The following KCNH8 variants were observed in gnomAD, a reference collection of about 807,000 sequenced individuals.
The protein encoded by KCNH8 is potassium voltage-gated channel subfamily H member 8, also known as voltage-gated delayed rectifier potassium channel KCNH8.
In KCNH8, 70 loss-of-function variants were observed where a neutral mutation model predicts 103.6. That is an observed-to-expected ratio of 0.68 (90% CI 0.56 to 0.82). The LOEUF (loss-of-function observed/expected upper bound fraction) is 0.82, where lower values mean the gene tolerates loss of function less well. Among genes scored for constraint, KCNH8 ranks in the 40% least tolerant of loss-of-function variants. The probability of loss-of-function intolerance (pLI) is 0.00; values close to 1 mark genes in which losing one functional copy is unlikely to be tolerated. For missense variants in KCNH8, 1,217 were observed against 1,329.9 expected, an observed-to-expected ratio of 0.92 and a Z score of 1.32; for synonymous variants, 498 against 489.4, an observed-to-expected ratio of 1.02 and a Z score of -0.23.
rs547471407 is a variant in KCNH8, at chr3:19,313,300, T to TA, written c.443-29278dup. On this transcript the variant is annotated intron_variant, in intron 3 of 15. Transcript: ENST00000328405. ...TCAGCTTGCTAGCTCTGCAGTATAGTAAAAAAAAATCCCAGGAGTTACAGT... is the reference window on the plus strand; with the variant it reads ...TCAGCTTGCTAGCTCTGCAGTATAGTAAAAAAAAAATCCCAGGAGTTACAGT... 7.0e-3 allele frequency among the ~76,000 whole-genome samples: 1,052 copies of TA among 151,266 alleles called. 5 individuals carry two copies. The highest frequency in any genetic ancestry group is 0.022 in the African/African-American group (909 of 41,260).
At chr3:19,338,559 C>G (rs1425249059) in intron 3 of KCNH8, among the ~76,000 whole-genome samples, 1 of 151,912 alleles carries the variant, frequency 6.6e-6, no homozygotes, top group African/African-American at 2.4e-5. Flanking sequence ...TACCCCCAAT[C>G]CAGTTTAAGA....
At chr3:19,401,557 C>T (rs1356085403) in intron 7 of KCNH8, among the ~76,000 whole-genome samples, 1 of 151,906 alleles carries the variant, frequency 6.6e-6, no homozygotes, top group Admixed American at 6.6e-5. Context: ...TGTCAATGCT[C>T]TATTCTATTT....
At chr3:19,194,643 G>T (rs1447752757) in intron 1 of KCNH8, among the ~76,000 whole-genome samples, 3 of 151,760 alleles carry the variant, frequency 2.0e-5, no homozygotes, top group African/African-American at 4.8e-5. Context: ...GAAAGATAAG[G>T]AGGGGGTAGG....
At chr3:19,343,347 G>A (rs1042989772) in intron 4 of KCNH8, among the ~76,000 whole-genome samples, 1 of 152,034 alleles carries the variant, frequency 6.6e-6, no homozygotes, top group Non-Finnish European at 1.5e-5. Flanking sequence ...AACTATGCCT[G>A]TATAAGGAGT....
intron 3 of KCNH8, among the ~76,000 whole-genome samples, chr3:19,325,114 C>A (rs1674173049): frequency 6.6e-6 from 1 of 152,122 alleles, no homozygotes; most frequent in African/African-American, 2.4e-5. Flanking sequence ...ACTCCCTATT[C>A]AATAAATGGT....
rs2066420948 is a variant in KCNH8, at chr3:19,390,491, A to G, written c.822A>G (p.Leu274=). ...TTTTTTCCCAAGCAGATATTATTTT[A>G]AATTTCCGAACAACTTATGTCAGCA... The part of the protein sequence containing the change: ...VEILFIIDII[L]NFRTTYVSKS... Residue 274 remains leucine, a synonymous_variant, in exon 6 of 16, where the codon TTA becomes TTG. Coordinates refer to ENST00000328405, the MANE Select transcript of KCNH8 (RefSeq NM_144633.3). 2 of 1,609,788 alleles carry G rather than the reference A, an allele frequency of 1.2e-6. No homozygotes were observed. Among genetic ancestry groups the G allele is most frequent in the Non-Finnish European group, 1.7e-6 (2 of 1,177,752 alleles).
intron 7 of KCNH8, among the ~76,000 whole-genome samples, chr3:19,424,856 AT>A (rs1193462243): frequency 6.6e-6 from 1 of 152,140 alleles, no homozygotes; most frequent in Non-Finnish European, 1.5e-5. Context: ...TCTTAAAATT[AT>A]TTCTAAAATT....
At chr3:19,520,418 C>T (rs2068951801) in intron 15 of KCNH8, among the ~76,000 whole-genome samples, 1 of 151,906 alleles carries the variant, frequency 6.6e-6, no homozygotes, top group Non-Finnish European at 1.5e-5. Context: ...AATTTATACA[C>T]AGTTTTGACC....
chr3:19,486,558 C>T (rs2068214199), intron 11 of KCNH8, among the ~76,000 whole-genome samples: 1 of 152,184 alleles, frequency 6.6e-6, no homozygotes, highest in African/African-American at 2.4e-5. Flanking sequence ...CAGGGCCCCA[C>T]AGTCGGTTAA....
chr3:19,191,541 G>T (rs2063553228), intron 1 of KCNH8, among the ~76,000 whole-genome samples: 1 of 151,662 alleles, frequency 6.6e-6, no homozygotes, highest in Non-Finnish European at 1.5e-5. Flanking sequence ...TCTTTCTAAG[G>T]CTTAGGGAAA....
In KCNH8 at chr3:19,308,721, CCTCTCT is replaced by C. The variant is rs199821198; in HGVS notation, c.442+27394_442+27399del. ...CTCTCTCTCTCTCTCTCTCTCTCCC[CCTCTCT>C]CCCTCTCTCCCTCTCTCCCTCTCTC... On this transcript the variant is annotated intron_variant, in intron 3 of 15. Coordinates refer to ENST00000328405, the MANE Select transcript of KCNH8 (RefSeq NM_144633.3). Among the ~76,000 whole-genome samples, 5 of 9,086 alleles carry C rather than the reference CCTCTCT, an allele frequency of 5.5e-4. 1 individual carries two copies. The highest frequency in any genetic ancestry group is 4.3e-3 in the African/African-American group (5 of 1,170). 6.0% of individuals were successfully genotyped at this position (9,086 alleles called of 152,430 possible). A position where few individuals can be genotyped will look rare whatever the true frequency, so the allele number is the denominator to read the frequency against.
At chr3:19,279,579 A>AAT (rs1392626756) in intron 2 of KCNH8, among the ~76,000 whole-genome samples, 5 of 152,186 alleles carry the variant, frequency 3.3e-5, no homozygotes, top group African/African-American at 9.6e-5. Flanking sequence ...AAAAAAAAAA[A>AAT]AAAAATAAGG....
At chr3:19,528,935 G>C (rs903452646) in intron 15 of KCNH8, among the ~76,000 whole-genome samples, 1 of 152,082 alleles carries the variant, frequency 6.6e-6, no homozygotes, top group African/African-American at 2.4e-5. Flanking sequence ...TGCTATGTGA[G>C]TGTCAATAAG....
chr3:19,175,220 ATTTTTTTT>A (rs200814505), intron 1 of KCNH8, among the ~76,000 whole-genome samples: 1 of 137,686 alleles, frequency 7.3e-6, no homozygotes, highest in Admixed American at 7.3e-5. Context: ...CTGTTTTGTA[ATTTTTTTT>A]TTTTTTTTTT....
rs1457894985 is a variant in KCNH8 at position 19,534,362 on chromosome 3, C to G, written c.*263C>G. On this transcript the variant is annotated 3_prime_UTR_variant, in exon 16 of 16. Coordinates refer to ENST00000328405, the MANE Select transcript of KCNH8 (RefSeq NM_144633.3). ...CAGACTTTGGTAACAATCCAAAGAC[C>G]CTGAGGGTCTGAGCAGCTAGAAGTC... 1 of 476,426 alleles carries G rather than the reference C, an allele frequency of 2.1e-6. No homozygotes were observed. The allele number at this position is 476,426 out of a possible 1,614,324, so 29.5% of individuals were successfully genotyped here.
chr3:19,401,996 A>G lies in KCNH8; in HGVS notation c.1177+6685A>G, dbSNP rs147250586. ...AATATACTCAGTATCTTTGCACCAC[A>G]GTTTCCAAATGTGTTCACACTTCCT... On this transcript the variant is annotated intron_variant, in intron 7 of 15. Coordinates refer to ENST00000328405, the MANE Select transcript of KCNH8 (RefSeq NM_144633.3). Among the ~76,000 whole-genome samples, 913 of 152,052 alleles carry G rather than the reference A, an allele frequency of 6.0e-3. 12 individuals are homozygous for G. The highest frequency in any genetic ancestry group is 0.02 in the African/African-American group (840 of 41,528).
intron 3 of KCNH8, among the ~76,000 whole-genome samples, chr3:19,290,894 GCTATT>G (rs2064911333): frequency 6.6e-6 from 1 of 152,126 alleles, no homozygotes; most frequent in African/African-American, 2.4e-5. Flanking sequence ...TGGTTGGTAA[GCTATT>G]AATTATTGCC....
At chr3:19,481,459 G>T (rs1402169584) in intron 11 of KCNH8, among the ~76,000 whole-genome samples, 1 of 151,948 alleles carries the variant, frequency 6.6e-6, no homozygotes, top group Non-Finnish European at 1.5e-5. Context: ...GTTGTGTAAA[G>T]GATATAAAAA....
intron 14 of KCNH8, among the ~76,000 whole-genome samples, chr3:19,515,633 A>T (rs1357161301): frequency 6.6e-6 from 1 of 151,864 alleles, no homozygotes; most frequent in Non-Finnish European, 1.5e-5. Context: ...CTCTGTCCAG[A>T]TTGGATGAGC....
Sources: gnomAD v4.1 joint callset for allele counts (sites outside exome capture counted in the v4.1 genomes callset) on GRCh38, gnomAD v4.1.1 for gene constraint, MANE v1.5 for transcripts, NCBI Gene and HGNC (gene_info 2026-07-23, HGNC 2026-07-21) for gene names.